Variants in EDA observed in about 807,000 individuals in gnomAD.
The protein encoded by EDA is ectodysplasin A.
In EDA, 2 loss-of-function variants were observed where a neutral mutation model predicts 23.6. That is an observed-to-expected ratio of 0.08 (90% confidence interval 0.03 to 0.27). The LOEUF is 0.27. EDA is among the 10% of genes least tolerant of loss of function. The probability of loss-of-function intolerance (pLI) is 1.00; values close to 1 mark genes in which losing one functional copy is unlikely to be tolerated. For synonymous variants in EDA, 131 were observed against 132.0 expected, an observed-to-expected ratio of 0.99 and a Z score of 0.05; for missense variants, 229 against 324.2, an observed-to-expected ratio of 0.71 and a Z score of 2.26.
intron 2 of EDA, among the ~76,000 whole-genome samples, chrX:70,013,742 G>A (rs748553081): frequency 7.1e-4 from 74 of 104,197 alleles, no homozygotes; most frequent in East Asian, 1.2e-3. Context: ...TCCCAGAGAC[G>A]ACTGAAAGCC....
At chrX:69,793,636 G>T (rs2015472935) in intron 1 of EDA, among the ~76,000 whole-genome samples, 1 of 85,519 alleles carries the variant, frequency 1.2e-5, no homozygotes, top group Non-Finnish European at 2.1e-5. Flanking sequence ...AGATCTTTCT[G>T]AGGATAGCAG....
chrX:70,026,448 T>C (rs2020107357), intron 3 of EDA, among the ~76,000 whole-genome samples: 2 of 111,881 alleles, frequency 1.8e-5, no homozygotes, highest in Admixed American at 1.9e-4. Flanking sequence ...GTGGGCATGA[T>C]TAATAATACA....
At position 69,980,581 on chromosome X, in the gene EDA, C is replaced by T. The variant is rs1214023944; in HGVS notation, c.502+23449C>T. On this transcript the variant is annotated intron_variant, in intron 2 of 7. Coordinates refer to ENST00000374552, the MANE Select transcript of EDA (RefSeq NM_001399.5). ...CCTCTCAGCCATGAAATTATGTTAACTTTGAGCAGTTAAAATTATTTTATA... is the reference window on the plus strand; with the variant it reads ...CCTCTCAGCCATGAAATTATGTTAATTTTGAGCAGTTAAAATTATTTTATA... Among the ~76,000 whole-genome samples, 4 of 112,497 alleles carry T rather than the reference C, an allele frequency of 3.6e-5. No homozygotes were observed. The East Asian group carries it at 1.1e-3, about 31-fold the overall frequency.
intron 1 of EDA, among the ~76,000 whole-genome samples, chrX:69,823,521 T>C (rs1458854890): frequency 1.4e-5 from 1 of 69,756 alleles, no homozygotes; most frequent in Non-Finnish European, 2.5e-5. Context: ...GTTCATATCC[T>C]TTGCCCACTT....
At chrX:69,688,736 G>A (rs1363737497) in intron 1 of EDA, among the ~76,000 whole-genome samples, 1 of 111,593 alleles carries the variant, frequency 9.0e-6, no homozygotes, top group African/African-American at 3.3e-5. Flanking sequence ...GGCTTAGAGT[G>A]TAGGATCCAG....
chrX:69,640,774 T>A (rs1932831371), intron 1 of EDA, among the ~76,000 whole-genome samples: 1 of 111,542 alleles, frequency 9.0e-6, no homozygotes, highest in African/African-American at 3.3e-5. Flanking sequence ...GTCACTGTGA[T>A]GTACTAACAC....
chrX:69,930,087 G>A (rs5936796), intron 1 of EDA, among the ~76,000 whole-genome samples: 42,414 of 110,305 alleles, frequency 0.38, 6,347 homozygotes, highest in East Asian at 0.94. Context: ...CACTAGGTAG[G>A]TGGTGAGCCT....
intron 1 of EDA, among the ~76,000 whole-genome samples, chrX:69,704,720 A>G (rs1039456104): frequency 1.3e-4 from 14 of 111,054 alleles, no homozygotes; most frequent in African/African-American, 4.6e-4. Flanking sequence ...ATTTTAAGTT[A>G]CTGAAAAAGA....
chrX:69,762,833 G>T (rs1330005363), intron 1 of EDA, among the ~76,000 whole-genome samples: 8 of 111,792 alleles, frequency 7.2e-5, no homozygotes, highest in Non-Finnish European at 1.1e-4. Context: ...TGGTCTTTCA[G>T]ATGTTCCTAG....
intron 1 of EDA, among the ~76,000 whole-genome samples, chrX:69,732,588 G>T (rs1247818360): frequency 8.9e-6 from 1 of 112,303 alleles, no homozygotes; most frequent in African/African-American, 3.2e-5. Context: ...ATAGTAGCAT[G>T]ATTTATAATC....
chrX:69,781,696 C>T (rs1290361155), intron 1 of EDA, among the ~76,000 whole-genome samples: 1 of 110,662 alleles, frequency 9.0e-6, no homozygotes, highest in African/African-American at 3.3e-5. Context: ...GAAGTGGCCT[C>T]AACAGAAACC....
At chrX:69,937,143 A>G in intron 1 of EDA, 1 of 1,033,898 alleles carries the variant, frequency 9.7e-7, no homozygotes, top group Non-Finnish European at 1.4e-6. Context: ...AAATAAAAAT[A>G]AAAGGACTAT....
chrX:69,838,410 G>A (rs911916456), intron 1 of EDA, among the ~76,000 whole-genome samples: 1 of 111,998 alleles, frequency 8.9e-6, no homozygotes, highest in African/African-American at 3.2e-5. Flanking sequence ...GGTGGATCAC[G>A]AGGTCAAGAG....
At chrX:69,770,915 A>G (rs746172268) in intron 1 of EDA, among the ~76,000 whole-genome samples, 1 of 111,967 alleles carries the variant, frequency 8.9e-6, no homozygotes, top group Non-Finnish European at 1.9e-5. Flanking sequence ...AGTTAGTTCA[A>G]CAGCAGTTTT....
rs1265100433 is a variant in EDA, at chrX:70,035,586, C to T, written c.1153C>T (p.Leu385=). 2 of 1,208,046 alleles carry T rather than the reference C, an allele frequency of 1.7e-6. No homozygotes were observed. Among genetic ancestry groups the T allele is most frequent in the South Asian group, 3.5e-5 (2 of 56,699 alleles). Residue 385 remains leucine, a synonymous_variant, in exon 8 of 8, where the codon CTG becomes TTG. Coordinates refer to ENST00000374552, the MANE Select transcript of EDA (RefSeq NM_001399.5). The part of the protein sequence containing the change: ...KHTTFFGAIR[L]GEAPAS ...CACCACGTTCTTTGGGGCCATCAGG[C>T]TGGGTGAAGCCCCTGCATCCTAGAT... is the stretch of plus-strand genomic sequence containing the variant.
intron 1 of EDA, among the ~76,000 whole-genome samples, chrX:69,730,719 G>C (rs1327205117): frequency 4.5e-5 from 5 of 111,725 alleles, no homozygotes; most frequent in Non-Finnish European, 9.4e-5. Flanking sequence ...AAGGAAAATT[G>C]CTCAGTGCTG....
At chrX:69,683,541 C>A (rs1934446443) in intron 1 of EDA, among the ~76,000 whole-genome samples, 1 of 111,375 alleles carries the variant, frequency 9.0e-6, no homozygotes, top group Non-Finnish European at 1.9e-5. Flanking sequence ...TCTTTGAATT[C>A]CCATAATAAC....
intron 1 of EDA, among the ~76,000 whole-genome samples, chrX:69,676,952 A>G (rs2147274799): frequency 1.0e-5 from 1 of 96,402 alleles, no homozygotes; most frequent in South Asian, 6.1e-4. Context: ...AGCATTAGGT[A>G]TATCTCCCAA....
intron 1 of EDA, among the ~76,000 whole-genome samples, chrX:69,627,084 G>A (rs1461026242): frequency 9.0e-6 from 1 of 111,378 alleles, no homozygotes; most frequent in Non-Finnish European, 1.9e-5. Context: ...TATATAATTT[G>A]ACAAAGCCCT....
Sources: gnomAD v4.1 joint callset for allele counts (sites outside exome capture counted in the v4.1 genomes callset) on GRCh38, gnomAD v4.1.1 for gene constraint, MANE v1.5 for transcripts, NCBI Gene and HGNC (gene_info 2026-07-23, HGNC 2026-07-21) for gene names.